LITAF: variants seen among roughly 807,000 people sequenced by gnomAD.
LITAF encodes lipopolysaccharide-induced tumor necrosis factor-alpha factor.
LITAF carries 9 observed loss-of-function variants against 14.5 expected under a neutral mutation model. That is an observed-to-expected ratio of 0.62 (90% CI 0.37 to 1.08). The LOEUF (loss-of-function observed/expected upper bound fraction) is 1.08, where lower values mean the gene tolerates loss of function less well. Among genes scored for constraint, LITAF ranks in the 50% least tolerant of loss-of-function variants. The pLI is 0.01. For missense variants in LITAF, 206 were observed against 213.4 expected, an observed-to-expected ratio of 0.97 and a Z score of 0.22; for synonymous variants, 98 against 88.2, an observed-to-expected ratio of 1.11 and a Z score of -0.62.
At chr16:11,576,425 C>T (rs2064635230) in intron 1 of LITAF, among the ~76,000 whole-genome samples, 1 of 151,486 alleles carries the variant, frequency 6.6e-6, no homozygotes, top group Non-Finnish European at 1.5e-5. Flanking sequence ...GCTGAGATCG[C>T]ACCACTGCAC....
At chr16:11,578,254 ACT>A (rs2064673409) in intron 1 of LITAF, among the ~76,000 whole-genome samples, 1 of 151,696 alleles carries the variant, frequency 6.6e-6, no homozygotes, top group South Asian at 2.1e-4. Flanking sequence ...GGACTCCTTG[ACT>A]CTCTTTCAAA....
intron 1 of LITAF, chr16:11,575,455 G>C (rs139055859): frequency 3.3e-5 from 5 of 152,158 alleles, no homozygotes; most frequent in African/African-American, 1.2e-4. Flanking sequence ...AAGTGAGGTC[G>C]TGTTACAGGA....
chr16:11,575,483 T>C (rs934520898), intron 1 of LITAF: 2 of 152,102 alleles, frequency 1.3e-5, no homozygotes, highest in African/African-American at 4.8e-5. Flanking sequence ...CATCACAAGG[T>C]GGGCACCAGC....
At chr16:11,562,995 G>C (rs912837421) in intron 1 of LITAF, among the ~76,000 whole-genome samples, 9 of 151,896 alleles carry the variant, frequency 5.9e-5, no homozygotes, top group Admixed American at 2.0e-4. Flanking sequence ...AGACACGGTT[G>C]CACAAACTTG....
At chr16:11,572,197 A>G (rs2064553327) in intron 1 of LITAF, among the ~76,000 whole-genome samples, 1 of 151,950 alleles carries the variant, frequency 6.6e-6, no homozygotes, top group Non-Finnish European at 1.5e-5. Flanking sequence ...CTCTCCTCCA[A>G]ATCCACCTTC....
At chr16:11,639,939 T>A (rs2065158071), upstream of LITAF, among the ~76,000 whole-genome samples, 1 of 152,198 alleles carries the variant, frequency 6.6e-6, no homozygotes, top group Non-Finnish European at 1.5e-5. Context: ...CATGCCCGGA[T>A]AATTTTTGTA....
intron 1 of LITAF, among the ~76,000 whole-genome samples, chr16:11,582,642 G>C (rs1407527768): frequency 6.6e-6 from 1 of 152,146 alleles, no homozygotes; most frequent in African/African-American, 2.4e-5. Context: ...AATAAAAAAA[G>C]GGATTCCTTA....
At chr16:11,588,312 T>A (rs566102706), upstream of LITAF, among the ~76,000 whole-genome samples, 2 of 152,044 alleles carry the variant, frequency 1.3e-5, no homozygotes, top group Non-Finnish European at 2.9e-5. Flanking sequence ...CTGGACAACA[T>A]AGTGAGACTC....
chr16:11,553,399 A>T lies in LITAF; in HGVS notation c.377+134T>A. ...GTACTCCAGCCTGGGCGACAGAACC[A>T]GATTCCATCTCAAAAAAAAACAACA... On this transcript the variant is annotated intron_variant, in intron 3 of 3. Transcript: ENST00000622633. This position sits in a 1 kb window ranked among gnomAD's most constrained non-coding sequence, Gnocchi z 7.7. The T allele has an allele frequency of 1.0e-6, 1 of 995,004 alleles. No homozygotes were observed. The highest frequency in any genetic ancestry group is 1.5e-6 in the Non-Finnish European group (1 of 660,390). 61.6% of individuals were successfully genotyped at this position (995,004 alleles called of 1,614,324 possible).
intron 2 of LITAF, among the ~76,000 whole-genome samples, chr16:11,635,329 C>T (rs969381507): frequency 1.3e-5 from 2 of 152,238 alleles, no homozygotes; most frequent in East Asian, 1.9e-4. Context: ...AACGCTGGGG[C>T]GATGTCTGCA....
intron 3 of LITAF, chr16:11,551,736 C>A: frequency 1.5e-6 from 1 of 683,208 alleles, no homozygotes. Context: ...GGAGGCTGAG[C>A]TGGGCGGATT....
chr16:11,611,672 T>TC (rs1209538600), intron 3 of LITAF, among the ~76,000 whole-genome samples: 3 of 151,418 alleles, frequency 2.0e-5, no homozygotes, highest in Non-Finnish European at 4.4e-5. Context: ...TTTTCTTTTT[T>TC]TTTTTTTTAA....
In LITAF at chr16:11,553,389, C is replaced by T. The variant is rs1189669314; in HGVS notation, c.377+144G>A. 2.2e-5 allele frequency: 20 copies of T among 908,588 alleles called. No homozygotes were observed. The highest frequency in any genetic ancestry group is 1.6e-4 in the East Asian group (6 of 37,404). The allele number at this position is 908,588 out of a possible 1,614,324, so 56.3% of individuals were successfully genotyped here. Reference sequence around the variant, plus strand: ...TCGCCCCACTGTACTCCAGCCTGGGCGACAGAACCAGATTCCATCTCAAAA... The same window carrying T: ...TCGCCCCACTGTACTCCAGCCTGGGTGACAGAACCAGATTCCATCTCAAAA... On this transcript the variant is annotated intron_variant, in intron 3 of 3. Transcript: ENST00000622633. The surrounding 1 kb of genome is among the most constrained non-coding windows in gnomAD (Gnocchi z 7.7).
intron 3 of LITAF, among the ~76,000 whole-genome samples, chr16:11,607,705 C>A (rs922897336): frequency 6.6e-6 from 1 of 152,110 alleles, no homozygotes; most frequent in Non-Finnish European, 1.5e-5. Flanking sequence ...AATACAGGCA[C>A]ACATGAAAAA....
chr16:11,600,034 C>A (rs1054148130), upstream of LITAF, among the ~76,000 whole-genome samples: 3 of 152,126 alleles, frequency 2.0e-5, no homozygotes, highest in Non-Finnish European at 2.9e-5. This position sits in a 1 kb window ranked among gnomAD's most constrained non-coding sequence, Gnocchi z 4.1. Context: ...CTCACTCTGT[C>A]TCCCAGGCTG....
chr16:11,551,224 G>A (rs1429776148), intron 3 of LITAF, among the ~76,000 whole-genome samples: 1 of 152,190 alleles, frequency 6.6e-6, no homozygotes, highest in Non-Finnish European at 1.5e-5. Context: ...TATTGCCTAA[G>A]CTTTCCAGAG....
chr16:11,553,526 G>C lies in LITAF; in HGVS notation c.377+7C>G. Reference sequence around the variant, plus strand: ...ATGGCTTGGGGCCAAGTGGGAGGCAGACTCACCCCAGCAGGCACAGGCTCC... The same window carrying C: ...ATGGCTTGGGGCCAAGTGGGAGGCACACTCACCCCAGCAGGCACAGGCTCC... On this transcript the variant is annotated splice_region_variant and intron_variant, in intron 3 of 3. Transcript: ENST00000622633. The surrounding 1 kb of genome is among the most constrained non-coding windows in gnomAD (Gnocchi z 7.7). 1 of 1,613,850 alleles carries C rather than the reference G, an allele frequency of 6.2e-7. No individual in the cohort carries two copies. Among genetic ancestry groups the C allele is most frequent in the Non-Finnish European group, 8.5e-7 (1 of 1,179,970 alleles).
chr16:11,588,490 GA>G (rs1311790541), upstream of LITAF, among the ~76,000 whole-genome samples: 1 of 133,532 alleles, frequency 7.5e-6, no homozygotes, highest in Non-Finnish European at 1.6e-5. Context: ...AAGCAACAAA[GA>G]AAGAAAGAGG....
At chr16:11,618,056 C>G (rs115167825) in intron 3 of LITAF, among the ~76,000 whole-genome samples, 3 of 151,882 alleles carry the variant, frequency 2.0e-5, no homozygotes, top group Non-Finnish European at 4.4e-5. Context: ...TTTTTTTGTT[C>G]GAAGAGATGG....
Sources: gnomAD v4.1 joint callset for allele counts (sites outside exome capture counted in the v4.1 genomes callset) on GRCh38, gnomAD v4.1.1 for gene constraint, Gnocchi (gnomAD v3.1) non-coding constraint, MANE v1.5 for transcripts, NCBI Gene and HGNC (gene_info 2026-07-23, HGNC 2026-07-21) for gene names.